Variants in CDC73 observed in about 807,000 individuals in gnomAD.
CDC73 encodes cell division cycle 73.
CDC73 carries 21 observed loss-of-function variants against 83.7 expected under a neutral mutation model. That is an observed-to-expected ratio of 0.25 (90% confidence interval 0.18 to 0.36). The LOEUF (loss-of-function observed/expected upper bound fraction) is 0.36. Among genes scored for constraint, CDC73 ranks in the 10% least tolerant of loss-of-function variants. CDC73 has a pLI of 1.00. For missense variants in CDC73, 342 were observed against 653.3 expected (o/e 0.52, Z 5.19); for synonymous variants, 224 against 212.9 (o/e 1.05, Z -0.45).
At chr1:193,153,803 A>G (rs1676161152) in intron 10 of CDC73, among the ~76,000 whole-genome samples, 1 of 152,202 alleles carries the variant, frequency 6.6e-6, no homozygotes, top group African/African-American at 2.4e-5. Flanking sequence ...GTTGCTGGTC[A>G]TACAGCTGTG....
At chr1:193,233,809 T>A (rs899898783) in intron 14 of CDC73, among the ~76,000 whole-genome samples, 1 of 152,136 alleles carries the variant, frequency 6.6e-6, no homozygotes, top group Admixed American at 6.6e-5. Flanking sequence ...GTTTAACACT[T>A]TTATTGAATT....
chr1:193,155,779 A>T (rs2103136234), intron 10 of CDC73, among the ~76,000 whole-genome samples: 1 of 152,266 alleles, frequency 6.6e-6, no homozygotes, highest in East Asian at 1.9e-4. Context: ...TCTGTCTCAA[A>T]AACAAACAAA....
intron 15 of CDC73, among the ~76,000 whole-genome samples, chr1:193,240,574 G>T (rs1316363453): frequency 6.6e-6 from 1 of 152,092 alleles, no homozygotes; most frequent in Non-Finnish European, 1.5e-5. Context: ...ATATTTCATC[G>T]TGGTTTTGAT....
intron 3 of CDC73, among the ~76,000 whole-genome samples, chr1:193,134,360 T>A (rs1485431411): frequency 1.3e-5 from 2 of 151,990 alleles, no homozygotes; most frequent in Admixed American, 1.3e-4. Context: ...AGTAGAGTAC[T>A]CAGTAGCTAT....
chr1:193,148,046 C>A, intron 8 of CDC73, 81 bp downstream of exon 8: 2 of 929,012 alleles, frequency 2.2e-6, no homozygotes, highest in South Asian at 2.7e-5. Flanking sequence ...AAGACATCTT[C>A]ACATTTTAAA....
intron 10 of CDC73, among the ~76,000 whole-genome samples, chr1:193,182,775 T>C (rs1215491951): frequency 6.6e-6 from 1 of 152,122 alleles, no homozygotes; most frequent in Non-Finnish European, 1.5e-5. Flanking sequence ...GTTGTTGTTT[T>C]TAGTTTTTGG....
rs1240408375 is a variant in CDC73, at chr1:193,253,575, A to G, written c.*2863A>G. 1 of 231,860 alleles carries G rather than the reference A, an allele frequency of 4.3e-6. No individual in the cohort carries two copies. The highest frequency in any genetic ancestry group is 8.5e-6 in the Non-Finnish European group (1 of 117,320). The allele number at this position is 231,860 out of a possible 1,614,324, so 14.4% of individuals were successfully genotyped here. A position where few individuals can be genotyped will look rare whatever the true frequency, so the allele number is the denominator to read the frequency against. On this transcript the variant is annotated 3_prime_UTR_variant, in exon 17 of 17. Coordinates refer to ENST00000367435, the MANE Select transcript of CDC73 (RefSeq NM_024529.5). ...CAATGTTTAATGTATTTCATTATTAACTAGTATTATAGTTTGTTTTTTTCC... is the reference window on the plus strand; with the variant it reads ...CAATGTTTAATGTATTTCATTATTAGCTAGTATTATAGTTTGTTTTTTTCC...
At chr1:193,155,942 A>G (rs567101486) in intron 10 of CDC73, among the ~76,000 whole-genome samples, 1 of 152,190 alleles carries the variant, frequency 6.6e-6, no homozygotes, top group South Asian at 2.1e-4. Context: ...ATTCTTTGAA[A>G]GGACTAGTGT....
intron 10 of CDC73, among the ~76,000 whole-genome samples, chr1:193,163,176 TGG>T (rs1443503351): frequency 4.2e-4 from 62 of 149,344 alleles, no homozygotes; most frequent in African/African-American, 1.3e-3. Context: ...TGTGTGTGTG[TGG>T]GTGTGTGTGT....
At chr1:193,177,507 G>A (rs1676628898) in intron 10 of CDC73, among the ~76,000 whole-genome samples, 1 of 150,188 alleles carries the variant, frequency 6.7e-6, no homozygotes, top group Non-Finnish European at 1.5e-5. Flanking sequence ...TCCAGCCTGG[G>A]CGACAGAGCA....
intron 2 of CDC73, among the ~76,000 whole-genome samples, chr1:193,128,302 A>T (rs971626185): frequency 6.6e-6 from 1 of 150,596 alleles, no homozygotes; most frequent in Non-Finnish European, 1.5e-5. Context: ...TTTATTTTTT[A>T]TTTTTTTTTG....
rs895099989 is a variant in CDC73, at chr1:193,254,591, T to C, written c.*3879T>C. Among the ~76,000 whole-genome samples, 7 of 152,080 alleles carry C rather than the reference T, an allele frequency of 4.6e-5. No individual in the cohort carries two copies. Among genetic ancestry groups the C allele is most frequent in the Non-Finnish European group, 7.4e-5 (5 of 67,978 alleles). On this transcript the variant is annotated 3_prime_UTR_variant, in exon 17 of 17. Transcript: ENST00000367435. ...TGTTGGAATAATAACTAAGGAAAAA[T>C]TGAAAATGTATAATAGATGTATAAA...
intron 5 of CDC73, among the ~76,000 whole-genome samples, chr1:193,137,665 A>G (rs1675824343): frequency 6.6e-6 from 1 of 152,166 alleles, no homozygotes; most frequent in Non-Finnish European, 1.5e-5. Flanking sequence ...GATTAGTGCT[A>G]ATGGATTCAG....
intron 10 of CDC73, among the ~76,000 whole-genome samples, chr1:193,176,413 A>T (rs943340727): frequency 6.6e-6 from 1 of 152,182 alleles, no homozygotes; most frequent in African/African-American, 2.4e-5. Flanking sequence ...CCTCTTTAGG[A>T]GAAGTTGTCC....
intron 10 of CDC73, among the ~76,000 whole-genome samples, chr1:193,167,431 C>A (rs528592939): frequency 2.0e-4 from 31 of 152,162 alleles, no homozygotes; most frequent in African/African-American, 7.2e-4. Context: ...CCAAAGAAAA[C>A]CACTCAGTCA....
At chr1:193,202,247 A>G (rs1677103912) in intron 10 of CDC73, among the ~76,000 whole-genome samples, 1 of 151,896 alleles carries the variant, frequency 6.6e-6, no homozygotes, top group Non-Finnish European at 1.5e-5. Context: ...AACTAGCTGC[A>G]GTGCCCAGAG....
chr1:193,244,494 G>C (rs1427594435), intron 15 of CDC73, among the ~76,000 whole-genome samples: 2 of 152,116 alleles, frequency 1.3e-5, no homozygotes, highest in Non-Finnish European at 2.9e-5. Context: ...GGCCAGGAGG[G>C]TCACTTGAGC....
intron 10 of CDC73, among the ~76,000 whole-genome samples, chr1:193,162,314 A>C (rs975988703): frequency 3.1e-4 from 41 of 132,036 alleles, no homozygotes; most frequent in East Asian, 1.0e-3. Context: ...TATATATTAT[A>C]TATCATATAT....
chr1:193,132,000 T>G (rs769538918), intron 3 of CDC73, among the ~76,000 whole-genome samples: 12 of 152,244 alleles, frequency 7.9e-5, no homozygotes, highest in Non-Finnish European at 1.6e-4. Flanking sequence ...GACAGTTGTT[T>G]GTCTTGTTAA....
Sources: allele counts gnomAD v4.1 joint callset (sites outside exome capture counted in the v4.1 genomes callset), GRCh38; gene constraint gnomAD v4.1.1; transcripts MANE v1.5; gene names NCBI Gene and HGNC (gene_info 2026-07-23, HGNC 2026-07-21).